DCC: variants seen among roughly 807,000 people sequenced by gnomAD.
DCC encodes netrin receptor DCC.
DCC carries 58 observed loss-of-function variants against 172.5 expected under a neutral mutation model. The ratio of observed to expected loss-of-function variants is 0.34; its 90% confidence interval spans 0.27 to 0.42. The LOEUF (loss-of-function observed/expected upper bound fraction) is 0.42. DCC is among the 10% of genes least tolerant of loss of function. DCC has a pLI of 1.00. For synonymous variants in DCC, 709 were observed against 644.5 expected (o/e 1.10, Z -1.52); for missense variants, 1,740 against 1,791.0 (o/e 0.97, Z 0.51).
At chr18:53,425,751 C>A (rs868041953) in intron 21 of DCC, among the ~76,000 whole-genome samples, 1 of 151,952 alleles carries the variant, frequency 6.6e-6, no homozygotes, top group African/African-American at 2.4e-5. Flanking sequence ...CAAATGAAAC[C>A]CTGTGTTTAT....
chr18:52,938,234 T>A (rs1453850531), intron 5 of DCC, among the ~76,000 whole-genome samples: 4 of 152,156 alleles, frequency 2.6e-5, no homozygotes. Flanking sequence ...TAAAGATTCA[T>A]ACCATAGGTA....
chr18:52,794,733 C>CT (rs1233282292), intron 2 of DCC, among the ~76,000 whole-genome samples: 4 of 151,994 alleles, frequency 2.6e-5, no homozygotes, highest in African/African-American at 7.2e-5. Flanking sequence ...AGGCTTTCAA[C>CT]TTTTTTTCCA....
chr18:53,028,277 C>T (rs2041983793), intron 5 of DCC, among the ~76,000 whole-genome samples: 1 of 152,078 alleles, frequency 6.6e-6, no homozygotes, highest in African/African-American at 2.4e-5. Flanking sequence ...TTTTTGCTTT[C>T]TCAACTGTAG....
chr18:52,459,895 A>ATATG (rs1320966781), intron 1 of DCC, among the ~76,000 whole-genome samples: 1 of 151,166 alleles, frequency 6.6e-6, no homozygotes, highest in East Asian at 1.9e-4. Context: ...ATATATATAT[A>ATATG]TATACACACA....
At chr18:53,395,631 T>A (rs1050055263) in intron 17 of DCC, among the ~76,000 whole-genome samples, 2 of 152,056 alleles carry the variant, frequency 1.3e-5, no homozygotes, top group Admixed American at 6.6e-5. Flanking sequence ...GGGCATATAT[T>A]TTTACAGGTT....
chr18:52,608,220 T>C, intron 1 of DCC, among the ~76,000 whole-genome samples: 1 of 152,184 alleles, frequency 6.6e-6, no homozygotes, highest in East Asian at 1.9e-4. Flanking sequence ...TAGTAGGAGT[T>C]CCGTCCCACA....
At chr18:53,034,693 G>A (rs1364204590) in intron 5 of DCC, among the ~76,000 whole-genome samples, 2 of 142,264 alleles carry the variant, frequency 1.4e-5, no homozygotes, top group African/African-American at 2.7e-5. Flanking sequence ...TCACTTATCT[G>A]CTCCAACTTT....
At chr18:52,500,706 G>C (rs2030984478) in intron 1 of DCC, among the ~76,000 whole-genome samples, 1 of 152,048 alleles carries the variant, frequency 6.6e-6, no homozygotes, top group African/African-American at 2.4e-5. Context: ...TAAAACTAGA[G>C]CTCTGCAAAG....
intron 5 of DCC, among the ~76,000 whole-genome samples, chr18:53,054,781 C>T (rs1220076480): frequency 6.6e-6 from 1 of 152,064 alleles, no homozygotes; most frequent in African/African-American, 2.4e-5. Flanking sequence ...GCACATACAG[C>T]TGAATTTTTA....
At chr18:52,743,663 C>T (rs900696886) in intron 1 of DCC, among the ~76,000 whole-genome samples, 1 of 152,198 alleles carries the variant, frequency 6.6e-6, no homozygotes, top group Non-Finnish European at 1.5e-5. Context: ...CCTTTAAAAA[C>T]CTCAGATCTC....
At chr18:52,884,391 T>C (rs1357639247) in intron 2 of DCC, among the ~76,000 whole-genome samples, 1 of 144,988 alleles carries the variant, frequency 6.9e-6, no homozygotes, top group Non-Finnish European at 1.5e-5. Flanking sequence ...TTTTATTCCT[T>C]TTTTTTTTAT....
intron 1 of DCC, among the ~76,000 whole-genome samples, chr18:52,692,738 T>C (rs2035947446): frequency 1.3e-5 from 2 of 152,140 alleles, no homozygotes; most frequent in African/African-American, 2.4e-5. Flanking sequence ...GGCCAGCTTC[T>C]CTTTTAGAGG....
intron 12 of DCC, among the ~76,000 whole-genome samples, chr18:53,266,426 G>T (rs2056675587): frequency 6.6e-6 from 1 of 152,004 alleles, no homozygotes. Flanking sequence ...TTTTTTCAAT[G>T]CCTGGGGTAA....
intron 1 of DCC, among the ~76,000 whole-genome samples, chr18:52,693,234 C>T (rs1341638015): frequency 6.6e-6 from 1 of 151,330 alleles, no homozygotes; most frequent in African/African-American, 2.4e-5. Flanking sequence ...TGTGTGTACA[C>T]ATGGGCAGTT....
chr18:52,820,597 A>G (rs943419177), intron 2 of DCC, among the ~76,000 whole-genome samples: 1 of 152,140 alleles, frequency 6.6e-6, no homozygotes, highest in African/African-American at 2.4e-5. Flanking sequence ...AACAGGATGA[A>G]AAGGGCAGCA....
chr18:53,500,284 A>G lies in DCC; in HGVS notation c.4111+774A>G, dbSNP rs147891773. Among the ~76,000 whole-genome samples, 8 of 151,768 alleles carry G rather than the reference A, an allele frequency of 5.3e-5. No individual in the cohort carries two copies. The East Asian group carries it at 7.7e-4, about 15-fold the overall frequency. On this transcript the variant is annotated intron_variant, in intron 27 of 28. Coordinates refer to ENST00000442544, the MANE Select transcript of DCC (RefSeq NM_005215.4). ...GAAGAAACAGGTAGAATGAATGTCA[A>G]TAGATAAGTAGAGATAAATAAATAA...
intron 9 of DCC, among the ~76,000 whole-genome samples, chr18:53,182,738 G>A (rs2055215438): frequency 6.6e-6 from 1 of 152,098 alleles, no homozygotes; most frequent in African/African-American, 2.4e-5. Context: ...TGCTCAATAA[G>A]ACACCCAATT....
intron 25 of DCC, among the ~76,000 whole-genome samples, chr18:53,482,840 T>C (rs1230586426): frequency 6.6e-6 from 1 of 152,016 alleles, no homozygotes; most frequent in Non-Finnish European, 1.5e-5. Context: ...CCTCAGAGTC[T>C]GGGAATTTGA....
rs746139014 is a variant in DCC, at chr18:53,178,981, A to T, written c.1438A>T (p.Thr480Ser). The stretch of plus-strand genomic sequence containing the variant: ...TCTCAGGGAACGAGCATTGAATACA[A>T]CACAGCCTGGGTCCCTTCAGCTCAC... ...GDNRERALNT[T>S]QPGSLQLTVG... The change falls in exon 9 of 29, where the codon ACA (threonine) becomes TCA (serine). Residue 480 changes from threonine to serine, a missense_variant. By Grantham distance (58) the Thr-to-Ser change is moderately conservative (BLOSUM62 1). This residue lies in a region of DCC where 1,732 missense variants were observed against 1,767.4 expected (regional missense o/e 0.98). Transcript: ENST00000442544. 2.4e-5 allele frequency: 39 copies of T among 1,614,070 alleles called. 1 individual carries two copies. The Middle Eastern group carries it at 6.6e-4, about 27-fold the overall frequency.
Sources: gnomAD v4.1 joint callset for allele counts (sites outside exome capture counted in the v4.1 genomes callset) on GRCh38, gnomAD v4.1.1 for gene constraint, gnomAD v4.1.1 regional missense constraint, MANE v1.5 for transcripts, NCBI Gene and HGNC (gene_info 2026-07-23, HGNC 2026-07-21) for gene names.